TENM1: variants seen among roughly 807,000 people sequenced by gnomAD.
TENM1 encodes the protein teneurin-1.
A neutral mutation model predicts 174.8 loss-of-function variants in TENM1; 35 were observed. The ratio of observed to expected loss-of-function variants is 0.20; its 90% CI spans 0.15 to 0.27. TENM1 has a LOEUF of 0.27. Among genes scored for constraint, TENM1 ranks in the 10% least tolerant of loss-of-function variants. The probability of loss-of-function intolerance (pLI) is 1.00; values close to 1 mark genes in which losing one functional copy is unlikely to be tolerated. For missense variants in TENM1, 1,633 were observed against 2,130.1 expected (o/e 0.77, Z 4.59); for synonymous variants, 781 against 798.7 (o/e 0.98, Z 0.37).
chrX:124,487,588 G>A lies in TENM1; in HGVS notation c.3696-359C>T, dbSNP rs777010672. ...TAGCCCTACTGAATCAGAATCTTGG[G>A]TGGAGGTGGGGCCTGGAAATTTTAC... On this transcript the variant is annotated intron_variant, in intron 20 of 31. Transcript: ENST00000422452. Among the ~76,000 whole-genome samples the A allele has an allele frequency of 3.6e-5, 4 of 111,922 alleles. No individual in the cohort carries two copies. In the South Asian group the frequency reaches 1.1e-3, roughly 31 times the overall value.
chrX:124,871,249 A>C (rs2057102922), intron 3 of TENM1, among the ~76,000 whole-genome samples: 1 of 111,844 alleles, frequency 8.9e-6, no homozygotes, highest in Non-Finnish European at 1.9e-5. Context: ...GTAATAAGAA[A>C]ATATTTTAAA....
At chrX:125,149,606 T>C in the TENM1 span, among the ~76,000 whole-genome samples, 1 of 111,983 alleles carries the variant, frequency 8.9e-6, no homozygotes, top group Non-Finnish European at 1.9e-5. Context: ...TAAATTCTAA[T>C]GCATTTTAAG....
chrX:125,201,277 G>T, the TENM1 span, among the ~76,000 whole-genome samples: 1 of 112,081 alleles, frequency 8.9e-6, no homozygotes, highest in Non-Finnish European at 1.9e-5. Context: ...GAATTCTAGG[G>T]TATTCAGACT....
the TENM1 span, among the ~76,000 whole-genome samples, chrX:125,163,258 C>G: frequency 4.5e-5 from 5 of 110,651 alleles, no homozygotes; most frequent in Non-Finnish European, 9.5e-5. Flanking sequence ...CTCATATTGC[C>G]CCACTCATCC....
intron 1 of TENM1, among the ~76,000 whole-genome samples, chrX:124,943,994 A>G (rs2058366552): frequency 8.9e-6 from 1 of 111,876 alleles, no homozygotes; most frequent in Non-Finnish European, 1.9e-5. Context: ...ACATACCAGT[A>G]AATGATTGAT....
At chrX:124,932,792 T>C (rs1390195382) in intron 1 of TENM1, among the ~76,000 whole-genome samples, 1 of 112,205 alleles carries the variant, frequency 8.9e-6, no homozygotes, top group Non-Finnish European at 1.9e-5. Flanking sequence ...CTTATTAATG[T>C]GGAAATGTAA....
exon 4 of TENM1, chrX:124,737,036 C>G (rs1165682124): frequency 8.3e-7 from 1 of 1,211,215 alleles, no homozygotes; most frequent in East Asian, 3.0e-5. Context: ...GTTGGGGGAG[C>G]TGGAGCAGCT....
intron 14 of TENM1, among the ~76,000 whole-genome samples, chrX:124,554,838 T>C (rs1188024007): frequency 1.8e-5 from 2 of 111,876 alleles, no homozygotes; most frequent in Non-Finnish European, 3.8e-5. Context: ...TGACTTGTTA[T>C]GAAGAATGAT....
At chrX:124,663,098 A>G (rs2051654306) in intron 6 of TENM1, among the ~76,000 whole-genome samples, 1 of 111,769 alleles carries the variant, frequency 8.9e-6, no homozygotes, top group Non-Finnish European at 1.9e-5. Context: ...TTTCTCTTTC[A>G]ACTCAACTTT....
chrX:124,672,889 G>T (rs1163176206), intron 5 of TENM1, among the ~76,000 whole-genome samples: 29 of 111,566 alleles, frequency 2.6e-4, no homozygotes, highest in Non-Finnish European at 5.7e-5. Flanking sequence ...TTCATGTCTG[G>T]AGAAAAAAAG....
chrX:124,772,927 T>C (rs1294948520), intron 3 of TENM1, among the ~76,000 whole-genome samples: 2 of 111,917 alleles, frequency 1.8e-5, no homozygotes, highest in African/African-American at 3.2e-5. Context: ...TTAAGAAAAG[T>C]AAGTCTTTAT....
chrX:124,450,220 C>T (rs760951971), intron 23 of TENM1, among the ~76,000 whole-genome samples: 14 of 110,662 alleles, frequency 1.3e-4, no homozygotes, highest in East Asian at 8.6e-4. Context: ...ATTAGCCGGG[C>T]GTGATGGCGG....
the TENM1 span, among the ~76,000 whole-genome samples, chrX:125,059,199 C>A: frequency 1.8e-5 from 2 of 111,063 alleles, no homozygotes; most frequent in East Asian, 5.7e-4. Context: ...ACCTGAATAA[C>A]ACCCCATTCT....
intron 11 of TENM1, among the ~76,000 whole-genome samples, chrX:124,595,267 A>C (rs1408436966): frequency 8.9e-6 from 1 of 112,068 alleles, no homozygotes; most frequent in Non-Finnish European, 1.9e-5. Flanking sequence ...CACACACACA[A>C]AAGTAACTAT....
chrX:125,114,603 T>C, the TENM1 span, among the ~76,000 whole-genome samples: 1 of 103,569 alleles, frequency 9.7e-6, no homozygotes, highest in African/African-American at 3.9e-5. Flanking sequence ...GAGAATACTA[T>C]AAACACTTCT....
At chrX:125,049,865 C>T in the TENM1 span, among the ~76,000 whole-genome samples, 10 of 109,998 alleles carry the variant, frequency 9.1e-5, no homozygotes, top group Non-Finnish European at 1.7e-4. Flanking sequence ...TGCCTCATTT[C>T]TTTTTTCATT....
At chrX:124,467,021 A>G (rs1022021140) in intron 22 of TENM1, among the ~76,000 whole-genome samples, 1 of 111,111 alleles carries the variant, frequency 9.0e-6, no homozygotes, top group African/African-American at 3.3e-5. Flanking sequence ...CCACTAAGAG[A>G]AATTACCACT....
At chrX:124,481,695 GTATATA>G in intron 22 of TENM1, 31 bp downstream of exon 25, 1 of 273,665 alleles carries the variant, frequency 3.7e-6, no homozygotes, top group Admixed American at 6.9e-5. Context: ...TGACCCAAGG[GTATATA>G]TATATATATA....
the TENM1 span, among the ~76,000 whole-genome samples, chrX:125,035,848 T>C: frequency 1.8e-5 from 2 of 110,967 alleles, no homozygotes; most frequent in Non-Finnish European, 3.8e-5. Context: ...TCTCAGGGCC[T>C]ATCCCTTGTG....
Sources: gnomAD v4.1 joint callset for allele counts (sites outside exome capture counted in the v4.1 genomes callset) on GRCh38, gnomAD v4.1.1 for gene constraint, MANE v1.5 for transcripts, NCBI Gene and HGNC (gene_info 2026-07-23, HGNC 2026-07-21) for gene names.